PKD1L1: variants seen among roughly 807,000 people sequenced by gnomAD.
The protein encoded by PKD1L1 is polycystin 1 like 1, transient receptor potential channel interacting, also known as polycystin-1-like protein 1.
A neutral mutation model predicts 323.4 loss-of-function variants in PKD1L1; 236 were observed. The ratio of observed to expected loss-of-function variants is 0.73; its 90% CI spans 0.66 to 0.81. The LOEUF (loss-of-function observed/expected upper bound fraction) is 0.81. Ranked by LOEUF, PKD1L1 falls within the 40% of genes least tolerant of loss-of-function variation. PKD1L1 has a pLI of 0.00. For synonymous variants in PKD1L1, 1,344 were observed against 1,335.0 expected (o/e 1.01, Z -0.15); for missense variants, 3,320 against 3,508.0 (o/e 0.95, Z 1.35).
chr7:47,826,032 T>G (rs891986988), intron 45 of PKD1L1, among the ~76,000 whole-genome samples: 1 of 152,116 alleles, frequency 6.6e-6, no homozygotes, highest in African/African-American at 2.4e-5. Context: ...AGGGCTGAGC[T>G]GGCCCAGCAG....
chr7:47,852,022 G>C (rs1385809425), intron 31 of PKD1L1, among the ~76,000 whole-genome samples: 1 of 152,186 alleles, frequency 6.6e-6, no homozygotes, highest in Non-Finnish European at 1.5e-5. Context: ...AATTAATGTT[G>C]ATTTCTTTTC....
intron 5 of PKD1L1, 67 bp downstream of exon 5, chr7:47,931,869 C>T (rs200464370): frequency 4.6e-5 from 72 of 1,555,246 alleles, no homozygotes; most frequent in Non-Finnish European, 7.9e-6. Context: ...GTGAGTCTCC[C>T]CCATATGCAT....
chr7:47,935,681 T>G (rs1000113253), intron 4 of PKD1L1, among the ~76,000 whole-genome samples: 2 of 152,222 alleles, frequency 1.3e-5, no homozygotes, highest in South Asian at 4.1e-4. Flanking sequence ...CAGGTTGGAC[T>G]TGGCCCGTGG....
chr7:47,899,060 G>A (rs1476685966), intron 13 of PKD1L1, among the ~76,000 whole-genome samples: 7 of 152,184 alleles, frequency 4.6e-5, no homozygotes, highest in Admixed American at 4.6e-4. Context: ...TACTTCCAAA[G>A]GTGACCAATA....
chr7:47,892,064 A>G (rs1175383386), intron 15 of PKD1L1, among the ~76,000 whole-genome samples: 1 of 152,224 alleles, frequency 6.6e-6, no homozygotes, highest in African/African-American at 2.4e-5. Flanking sequence ...ACTACATTCC[A>G]GGCATGGGGG....
At chr7:47,843,562 C>G (rs1785605974) in intron 33 of PKD1L1, among the ~76,000 whole-genome samples, 1 of 152,186 alleles carries the variant, frequency 6.6e-6, no homozygotes, top group African/African-American at 2.4e-5. Flanking sequence ...GTTCCTCCCT[C>G]TCTCCCTCTC....
At chr7:47,958,142 T>A in the PKD1L1 span, among the ~76,000 whole-genome samples, 4 of 151,916 alleles carry the variant, frequency 2.6e-5, no homozygotes, top group African/African-American at 4.8e-5. Flanking sequence ...GCCAAAGCAA[T>A]CTTGAGCAAA....
At chr7:47,784,571 C>T (rs976457152) in intron 56 of PKD1L1, among the ~76,000 whole-genome samples, 7 of 152,122 alleles carry the variant, frequency 4.6e-5, no homozygotes, top group Non-Finnish European at 8.8e-5. Context: ...CTCCCAGGCT[C>T]AAGCAATTCT....
At position 47,809,510 on chromosome 7, in the gene PKD1L1, A is replaced by G; in HGVS notation, c.7649T>C (p.Val2550Ala). ...CCTTGGCTTTCGCCAGTAGCTGAGG[A>G]CGCCCTTGTCCATCATACGGTAGAG... ...VQLYRMMDKG[V>A]LSYWRKPRNW... Residue 2550 changes from valine (V) to alanine (A), a missense_variant, in exon 51 of 57, where the codon GTC (valine) becomes GCC (alanine). By Grantham distance (64) the Val-to-Ala change is moderately conservative. Coordinates refer to ENST00000289672, the MANE Select transcript of PKD1L1 (RefSeq NM_138295.5). The G allele has an allele frequency of 6.2e-7, 1 of 1,609,496 alleles. No homozygotes were observed.
intron 26 of PKD1L1, among the ~76,000 whole-genome samples, chr7:47,861,882 A>C: frequency 3.0e-5 from 1 of 33,142 alleles, no homozygotes; most frequent in East Asian, 3.9e-4. Flanking sequence ...CTCTGTCTCA[A>C]AAAAAAAAAA....
chr7:47,823,706 C>CT (rs1390851167), intron 45 of PKD1L1, among the ~76,000 whole-genome samples: 2 of 152,192 alleles, frequency 1.3e-5, no homozygotes, highest in Non-Finnish European at 2.9e-5. Flanking sequence ...TTCATTACTT[C>CT]ATTAAAACTG....
At chr7:47,892,570 G>C (rs952699170) in intron 15 of PKD1L1, among the ~76,000 whole-genome samples, 26 of 152,246 alleles carry the variant, frequency 1.7e-4, no homozygotes, top group African/African-American at 6.3e-4. Flanking sequence ...GTTGGGAGGT[G>C]GGTGAGGGAT....
At chr7:47,918,085 G>A (rs1160954643) in intron 7 of PKD1L1, among the ~76,000 whole-genome samples, 1 of 152,042 alleles carries the variant, frequency 6.6e-6, no homozygotes, top group Non-Finnish European at 1.5e-5. Context: ...GCTGCCTTCA[G>A]GAGACTCACC....
chr7:47,928,804 TTG>T lies in PKD1L1; in HGVS notation c.1060+398_1060+399del, dbSNP rs200691243. ...AGTGCAAAAGAATTCATATAGAACA[TTG>T]TGTGTGTGCATATGTGTGTGCATGA... is the stretch of plus-strand genomic sequence containing the variant. On this transcript the variant is annotated intron_variant, in intron 7 of 56. Coordinates refer to ENST00000289672, the MANE Select transcript of PKD1L1 (RefSeq NM_138295.5). Among the ~76,000 whole-genome samples, 3 of 151,994 alleles carry T rather than the reference TTG, an allele frequency of 2.0e-5. No individual in the cohort carries two copies. The East Asian group carries it at 5.8e-4, about 29-fold the overall frequency.
chr7:47,870,490 C>A (rs548299855), intron 24 of PKD1L1, among the ~76,000 whole-genome samples: 151 of 151,272 alleles, frequency 1.0e-3, no homozygotes, highest in African/African-American at 3.6e-3. Flanking sequence ...AAACTGTATG[C>A]CAAAAAAAAT....
rs753828369 is a variant in PKD1L1 at position 47,855,202 on chromosome 7, A to G, written c.4654T>C (p.Trp1552Arg). The G allele has an allele frequency of 3.1e-6, 5 of 1,614,004 alleles. No individual in the cohort carries two copies. The highest frequency in any genetic ancestry group is 1.3e-5 in the African/African-American group (1 of 74,920). The change falls in exon 29 of 57, where the codon TGG becomes CGG. Residue 1552 changes from tryptophan to arginine, a missense_variant. Transcript: ENST00000289672. ...CSSRRPINRQ[W>R]LRKPVMVEFG... ...TCGACCATCACGGGTTTCCTTAGCC[A>G]TTGCCTGTTGATGGGTCTTCTGCTG...
rs189064544 is a variant in PKD1L1, at chr7:47,814,660, C to T, written c.7090-646G>A. Among the ~76,000 whole-genome samples, 89 of 152,262 alleles carry T rather than the reference C, an allele frequency of 5.8e-4. No homozygotes were observed. The South Asian group carries it at 8.3e-3, about 14-fold the overall frequency. ...TTGCAAGTAGCTGGGATTATAGGCACGCGCCACCACACACAGCTAACTTTT... is the reference window on the plus strand; with the variant it reads ...TTGCAAGTAGCTGGGATTATAGGCATGCGCCACCACACACAGCTAACTTTT... On this transcript the variant is annotated intron_variant, in intron 47 of 56. Coordinates refer to ENST00000289672, the MANE Select transcript of PKD1L1 (RefSeq NM_138295.5).
intron 56 of PKD1L1, among the ~76,000 whole-genome samples, chr7:47,783,278 C>T (rs1032052563): frequency 1.2e-4 from 18 of 152,074 alleles, no homozygotes; most frequent in Non-Finnish European, 2.2e-4. Context: ...TAATGATAAT[C>T]AACATGTACT....
intron 56 of PKD1L1, among the ~76,000 whole-genome samples, chr7:47,785,673 T>A (rs1426132150): frequency 6.6e-6 from 1 of 152,038 alleles, no homozygotes; most frequent in Admixed American, 6.6e-5. Context: ...CCTCCATGTT[T>A]ATCAGCAGGA....
Sources: gnomAD v4.1 joint callset for allele counts (sites outside exome capture counted in the v4.1 genomes callset) on GRCh38, gnomAD v4.1.1 for gene constraint, MANE v1.5 for transcripts, NCBI Gene and HGNC (gene_info 2026-07-23, HGNC 2026-07-21) for gene names.